The following COG5 variants were observed in gnomAD, a reference collection of about 807,000 sequenced individuals.
The protein encoded by COG5 is component of oligomeric golgi complex 5, also known as conserved oligomeric Golgi complex subunit 5.
COG5 carries 86 observed loss-of-function variants against 110.4 expected under a neutral mutation model. The observed-to-expected ratio is 0.78, with a 90% CI of 0.65 to 0.93. The LOEUF is 0.93. Among genes scored for constraint, COG5 ranks in the 40% least tolerant of loss-of-function variants. The probability of loss-of-function intolerance (pLI) is 0.00; values close to 1 mark genes in which losing one functional copy is unlikely to be tolerated. For missense variants in COG5, 1,077 were observed against 987.0 expected, an observed-to-expected ratio of 1.09 and a Z score of -1.22; for synonymous variants, 360 against 334.6, an observed-to-expected ratio of 1.08 and a Z score of -0.83.
Position 107,474,025 on chromosome 7 carries a change from C to A in COG5, c.538+53212G>T. 1 of 1,089,072 alleles carries A rather than the reference C, an allele frequency of 9.2e-7. No individual in the cohort carries two copies. The highest frequency in any genetic ancestry group is 1.3e-6 in the Non-Finnish European group (1 of 742,788). The allele number at this position is 1,089,072 out of a possible 1,614,324, so 67.5% of individuals were successfully genotyped here. On this transcript the variant is annotated intron_variant, in intron 6 of 21. Coordinates refer to ENST00000297135, the MANE Select transcript of COG5 (RefSeq NM_006348.5). The surrounding 1 kb of genome is among the most constrained non-coding windows in gnomAD (Gnocchi z 5.7). ...AAATATCAAATAGTTTATTCTATTT[C>A]ACTTTCTAGGGAAAAAAACCAACTG...
At chr7:107,413,300 A>G (rs1284704362) in intron 6 of COG5, among the ~76,000 whole-genome samples, 1 of 151,936 alleles carries the variant, frequency 6.6e-6, no homozygotes, top group East Asian at 1.9e-4. Context: ...AGTATTTTTA[A>G]AAGCAAAAAA....
At chr7:107,363,254 C>A (rs185836322) in intron 8 of COG5, among the ~76,000 whole-genome samples, 32 of 152,200 alleles carry the variant, frequency 2.1e-4, no homozygotes, top group Admixed American at 5.2e-4. Context: ...AAAAACAAAG[C>A]AGGATTCAGT....
chr7:107,239,841 T>C (rs1408786799), intron 17 of COG5, among the ~76,000 whole-genome samples: 1 of 152,232 alleles, frequency 6.6e-6, no homozygotes, highest in African/African-American at 2.4e-5. Context: ...TTAGAAAAGA[T>C]ACTTGATTTC....
chr7:107,355,401 C>A (rs988021197), intron 10 of COG5, among the ~76,000 whole-genome samples: 1 of 152,082 alleles, frequency 6.6e-6, no homozygotes, highest in Non-Finnish European at 1.5e-5. Flanking sequence ...AGTCAGCAAG[C>A]GCAACTCTTA....
chr7:107,365,359 G>A (rs1479559390), intron 8 of COG5, among the ~76,000 whole-genome samples: 2 of 151,842 alleles, frequency 1.3e-5, no homozygotes, highest in Non-Finnish European at 2.9e-5. Context: ...CAATTTCAAA[G>A]ACACAAACAA....
intron 7 of COG5, among the ~76,000 whole-genome samples, chr7:107,406,417 A>G (rs992755783): frequency 2.0e-5 from 3 of 152,234 alleles, no homozygotes; most frequent in Non-Finnish European, 2.9e-5. Flanking sequence ...ATAAATTTAT[A>G]TAGTCTAAAC....
intron 12 of COG5, among the ~76,000 whole-genome samples, chr7:107,285,714 G>A (rs1368442899): frequency 1.3e-5 from 2 of 151,532 alleles, no homozygotes; most frequent in Non-Finnish European, 2.9e-5. Flanking sequence ...AAAAATTCCC[G>A]GCCGGACCTG....
chr7:107,375,300 T>C (rs1814534671), intron 7 of COG5, among the ~76,000 whole-genome samples: 1 of 152,082 alleles, frequency 6.6e-6, no homozygotes, highest in Admixed American at 6.5e-5. Context: ...CTTCTACCTT[T>C]AGGTATTTTA....
intron 6 of COG5, among the ~76,000 whole-genome samples, chr7:107,458,890 T>C (rs1408112453): frequency 6.6e-6 from 1 of 151,628 alleles, no homozygotes; most frequent in East Asian, 1.9e-4. Context: ...ATATAACAAA[T>C]ATATGTACAT....
intron 6 of COG5, among the ~76,000 whole-genome samples, chr7:107,476,028 G>C (rs904603240): frequency 6.7e-6 from 1 of 150,232 alleles, no homozygotes; most frequent in African/African-American, 2.5e-5. Context: ...GGAAAAAAAA[G>C]ATTGATTTTC....
intron 7 of COG5, among the ~76,000 whole-genome samples, chr7:107,398,214 C>CCAACTTAT (rs1787669238): frequency 1.3e-5 from 2 of 152,256 alleles, no homozygotes; most frequent in Non-Finnish European, 1.5e-5. Flanking sequence ...AAGCAGTCTA[C>CCAACTTAT]CAACTTATCA....
intron 14 of COG5, among the ~76,000 whole-genome samples, chr7:107,270,731 A>G (rs1804189283): frequency 6.6e-6 from 1 of 152,122 alleles, no homozygotes; most frequent in Admixed American, 6.5e-5. Context: ...GTTGATGTTT[A>G]AACTGGAGAA....
At chr7:107,562,622 T>C (rs1803941303) in intron 1 of COG5, among the ~76,000 whole-genome samples, 1 of 152,240 alleles carries the variant, frequency 6.6e-6, no homozygotes, top group South Asian at 2.1e-4. Flanking sequence ...CTCTGCCTTG[T>C]ATCTAAAGTT....
intron 7 of COG5, among the ~76,000 whole-genome samples, chr7:107,378,260 T>G (rs1371016533): frequency 6.6e-6 from 1 of 151,914 alleles, no homozygotes; most frequent in Admixed American, 6.6e-5. Flanking sequence ...AGAAACCCCA[T>G]CTGAAGGTCA....
At chr7:107,352,289 T>C (rs1188002552) in intron 10 of COG5, among the ~76,000 whole-genome samples, 3 of 107,770 alleles carry the variant, frequency 2.8e-5, no homozygotes, top group Admixed American at 1.3e-4. Flanking sequence ...AAGGGGAACA[T>C]CACACTGTTG....
chr7:107,208,734 G>A (rs1201407312), intron 21 of COG5: 4 of 985,324 alleles, frequency 4.1e-6, no homozygotes, highest in Non-Finnish European at 4.8e-6. Context: ...AAAGAGCAGG[G>A]TCCGAGCTAA....
chr7:107,518,075 A>T (rs1029154402), intron 6 of COG5, among the ~76,000 whole-genome samples: 1 of 152,106 alleles, frequency 6.6e-6, no homozygotes, highest in Non-Finnish European at 1.5e-5. Context: ...AAGCAGAAAT[A>T]AGAAAGGAAA....
intron 6 of COG5, among the ~76,000 whole-genome samples, chr7:107,488,457 G>A (rs754899302): frequency 7.2e-5 from 11 of 152,000 alleles, no homozygotes; most frequent in Non-Finnish European, 1.5e-4. Context: ...TTATTTATGA[G>A]CATACTATAC....
chr7:107,298,184 T>A lies in COG5; in HGVS notation c.1271A>T (p.Asp424Val). Residue 424 changes from aspartate to valine, a missense_variant, in exon 12 of 22, where the codon GAT becomes GTT. Coordinates refer to ENST00000297135, the MANE Select transcript of COG5 (RefSeq NM_006348.5). The part of the protein sequence containing the change: ...DLYVDLQHME[D>V]DAQDIFIPKK... ...TGGTATGAATATATCTTGTGCATCA[T>A]CTTCCATGTGTTGTAGGTCAACATA... 6.2e-7 allele frequency: 1 copy of A among 1,612,494 alleles called. No homozygotes were observed. Among genetic ancestry groups the A allele is most frequent in the Non-Finnish European group, 8.5e-7 (1 of 1,179,040 alleles).
Sources: gnomAD v4.1 joint callset for allele counts (sites outside exome capture counted in the v4.1 genomes callset) on GRCh38, gnomAD v4.1.1 for gene constraint, Gnocchi (gnomAD v3.1) non-coding constraint, MANE v1.5 for transcripts, NCBI Gene and HGNC (gene_info 2026-07-23, HGNC 2026-07-21) for gene names.